FN1: variants seen among roughly 807,000 people sequenced by gnomAD.
FN1 encodes the protein fibronectin.
FN1 carries 106 observed loss-of-function variants against 297.3 expected under a neutral mutation model. The ratio of observed to expected loss-of-function variants is 0.36; its 90% CI spans 0.30 to 0.42. The LOEUF (loss-of-function observed/expected upper bound fraction) is 0.42, where lower values mean the gene tolerates loss of function less well. FN1 is among the 10% of genes least tolerant of loss of function. The pLI is 1.00. For missense variants in FN1, 2,690 were observed against 3,124.9 expected (o/e 0.86, Z 3.32); for synonymous variants, 1,149 against 1,152.6 (o/e 1.00, Z 0.06).
At chr2:215,397,998 A>G in intron 21 of FN1, 150 bp from the exon 22 acceptor site, 4 of 747,628 alleles carry the variant, frequency 5.4e-6, no homozygotes, top group Non-Finnish European at 9.1e-6. Context: ...GGACTCTTTT[A>G]TATACTTTAG....
At chr2:215,373,669 T>G in intron 38 of FN1, among the ~76,000 whole-genome samples, 1 of 87,314 alleles carries the variant, frequency 1.1e-5, no homozygotes, top group African/African-American at 3.5e-5. Context: ...TTCCAGGGTA[T>G]TCTTTTTTTT....
chr2:215,361,523 A>G lies in FN1; in HGVS notation c.*32T>C, dbSNP rs111587543. 6 of 1,444,064 alleles carry G rather than the reference A, an allele frequency of 4.2e-6. No homozygotes were observed. In the African/African-American group the frequency reaches 7.0e-5, roughly 17 times the overall value. 89.5% of individuals were successfully genotyped at this position (1,444,064 alleles called of 1,614,324 possible). A position where few individuals can be genotyped will look rare whatever the true frequency, so the allele number is the denominator to read the frequency against. On this transcript the variant is annotated 3_prime_UTR_variant, in exon 46 of 46. Coordinates refer to ENST00000354785, the MANE Select transcript of FN1 (RefSeq NM_212482.4). ...AGTTTAGATGGATCTTGGCAGAGAG[A>G]CATGCTTGTTCCTCTGGATTGGAAA...
chr2:215,375,671 C>T lies in FN1; in HGVS notation c.5935G>A (p.Asp1979Asn), dbSNP rs1196022939. Residue 1979 changes from aspartate (D) to asparagine (N), a missense_variant, in exon 37 of 46, where the codon GAC becomes AAC. Around this residue, in one of 3 missense-constraint regions of FN1, gnomAD observed 1,743 missense variants for 1,945.2 expected, o/e 0.90. Transcript: ENST00000354785. ...ACCACAGGGGAGCTCCGAGCATTGT[C>T]ATTCAAGGTGTACAGGTAGATCTTG... ...DYKIYLYTLN[D>N]NARSSPVVID... is the part of the protein sequence containing the mutation. 5.0e-6 allele frequency: 8 copies of T among 1,613,530 alleles called. No homozygotes were observed. The highest frequency in any genetic ancestry group is 6.8e-6 in the Non-Finnish European group (8 of 1,179,578).
chr2:215,400,803 A>ATT (rs1230086225), intron 20 of FN1, among the ~76,000 whole-genome samples: 2 of 146,848 alleles, frequency 1.4e-5, no homozygotes, highest in African/African-American at 5.0e-5. Flanking sequence ...TACTTAAACA[A>ATT]TTTTTTTTTT....
chr2:215,377,867 AG>A (rs2057586915), intron 35 of FN1, among the ~76,000 whole-genome samples: 1 of 152,238 alleles, frequency 6.6e-6, no homozygotes, highest in Non-Finnish European at 1.5e-5. Flanking sequence ...CCCTTTCTGA[AG>A]GAGTATAAAA....
chr2:215,401,163 GAAAGAA>G (rs2106193587), intron 20 of FN1, among the ~76,000 whole-genome samples: 1 of 140,694 alleles, frequency 7.1e-6, no homozygotes, highest in African/African-American at 2.7e-5. Flanking sequence ...AAATAAGAAA[GAAAGAA>G]AGAGAGAGAG....
chr2:215,386,887 G>A lies in FN1; in HGVS notation c.4414C>T (p.Pro1472Ser). ...ANSFTVHWIA[P>S]RATITGYRIR... ...CTGTAGCCAGTGATGGTGGCTCGAG[G>A]AGCAATCCAGTGCACAGTAAAAGAG... Residue 1472 changes from proline to serine, a missense_variant, in exon 28 of 46, where the codon CCT (proline) becomes TCT (serine). Pro to Ser is a moderately conservative substitution (Grantham distance 74, BLOSUM62 -1). Around this residue, in one of 3 missense-constraint regions of FN1, gnomAD observed 1,743 missense variants for 1,945.2 expected, o/e 0.90. Transcript: ENST00000354785. 6.2e-7 allele frequency: 1 copy of A among 1,613,654 alleles called. No homozygotes were observed. Among genetic ancestry groups the A allele is most frequent in the Non-Finnish European group, 8.5e-7 (1 of 1,179,880 alleles).
chr2:215,373,340 T>A lies in FN1; in HGVS notation c.6229A>T (p.Ile2077Phe), dbSNP rs771040738. ...LKNNQKSEPL[I>F]GRKKTDELPQ... ...CTCTTACCTGTCTTTTTCCTTCCAA[T>A]CAGGGGCTCGCTCTTCTGATTATTC... The change falls in exon 39 of 46, where the codon ATT becomes TTT. Residue 2077 changes from isoleucine to phenylalanine, a missense_variant. Ile to Phe is a conservative substitution (Grantham distance 21). Coordinates refer to ENST00000354785, the MANE Select transcript of FN1 (RefSeq NM_212482.4). 1.9e-6 allele frequency: 3 copies of A among 1,613,548 alleles called. No homozygotes were observed. The highest frequency in any genetic ancestry group is 2.5e-6 in the Non-Finnish European group (3 of 1,179,560).
At chr2:215,404,696 A>T in intron 19 of FN1, 41 bp from the exon 20 acceptor site, 1 of 1,571,008 alleles carries the variant, frequency 6.4e-7, no homozygotes, top group African/African-American at 1.3e-5. Context: ...TATTTAGATC[A>T]GTAATGATCA....
intron 15 of FN1, among the ~76,000 whole-genome samples, chr2:215,408,716 C>T (rs1462102745): frequency 6.6e-6 from 1 of 152,066 alleles, no homozygotes; most frequent in African/African-American, 2.4e-5. Flanking sequence ...TACAGGTGCA[C>T]ACCACCACAC....
intron 26 of FN1, 93 bp from the exon 27 acceptor site, chr2:215,388,394 A>G: frequency 1.1e-6 from 1 of 895,918 alleles, no homozygotes; most frequent in Non-Finnish European, 1.9e-6. Flanking sequence ...TGAAATATCC[A>G]AATGTCCAGT....
At chr2:215,408,022 T>C (rs1020318725) in intron 17 of FN1, 86 bp downstream of exon 17, 8 of 951,538 alleles carry the variant, frequency 8.4e-6, no homozygotes, top group African/African-American at 6.6e-5. Flanking sequence ...TAAAGTGATA[T>C]GCAGGTCCGC....
Position 215,369,198 on chromosome 2 carries a change from T to TA in FN1, c.6853+1095dup, listed in dbSNP as rs1213575008. ...GTTCAAATTCCATCCTAACTAAAGT[T>TA]AAAGAGATGGAATCTTTAAAAAAAA... On this transcript the variant is annotated intron_variant, in intron 41 of 45. Transcript: ENST00000354785. 2.1e-5 allele frequency among the ~76,000 whole-genome samples: 3 copies of TA among 139,842 alleles called. No homozygotes were observed. The Admixed American group carries it at 2.2e-4, about 10-fold the overall frequency. 91.7% of individuals were successfully genotyped at this position (139,842 alleles called of 152,430 possible). A position where few individuals can be genotyped will look rare whatever the true frequency, so the allele number is the denominator to read the frequency against.
chr2:215,398,148 C>T (rs1213782751), intron 21 of FN1, among the ~76,000 whole-genome samples: 2 of 152,202 alleles, frequency 1.3e-5, no homozygotes, highest in African/African-American at 4.8e-5. Flanking sequence ...TATACAGGGA[C>T]TGTGGGTCAC....
At chr2:215,415,983 CAG>C (rs1195747703) in intron 12 of FN1, among the ~76,000 whole-genome samples, 1 of 152,016 alleles carries the variant, frequency 6.6e-6, no homozygotes, top group Non-Finnish European at 1.5e-5. Context: ...CTCTGTCAAA[CAG>C]AGCAAAATTT....
Position 215,385,423 on chromosome 2 carries a change from G to A in FN1, c.4613-447C>T, listed in dbSNP as rs1046707209. 4.6e-5 allele frequency among the ~76,000 whole-genome samples: 7 copies of A among 151,766 alleles called. No homozygotes were observed. The South Asian group carries it at 8.3e-4, about 18-fold the overall frequency. On this transcript the variant is annotated intron_variant, in intron 28 of 45. Coordinates refer to ENST00000354785, the MANE Select transcript of FN1 (RefSeq NM_212482.4). ...CTAAAAATACAAAAATTAGCCGGGC[G>A]TGGTGGCGGGCACCTGTAGTCCCAG...
chr2:215,374,059 C>A (rs764703877), intron 38 of FN1, among the ~76,000 whole-genome samples: 2 of 152,086 alleles, frequency 1.3e-5, no homozygotes, highest in Non-Finnish European at 2.9e-5. Flanking sequence ...TATACCACCA[C>A]TGGAATATAA....
chr2:215,394,792 T>C, intron 23 of FN1, 73 bp from the exon 24 acceptor site: 2 of 1,177,732 alleles, frequency 1.7e-6, no homozygotes, highest in Non-Finnish European at 2.5e-6. Flanking sequence ...TAGACTCCAA[T>C]GATGGATTCA....
At chr2:215,434,847 G>C in intron 1 of FN1, 23 bp from the exon 2 acceptor site, 1 of 1,539,300 alleles carries the variant, frequency 6.5e-7, no homozygotes, top group Non-Finnish European at 8.8e-7. Context: ...GAAGGAAAAC[G>C]TTACATTTGC....
Sources: allele counts gnomAD v4.1 joint callset (sites outside exome capture counted in the v4.1 genomes callset), GRCh38; gene constraint gnomAD v4.1.1; regional missense constraint gnomAD v4.1.1; transcripts MANE v1.5; gene names NCBI Gene and HGNC (gene_info 2026-07-23, HGNC 2026-07-21).